The following SEMA6D variants were observed in gnomAD, a reference collection of about 807,000 sequenced individuals.
SEMA6D encodes semaphorin 6D, also known as semaphorin-6D.
Under a neutral mutation model 106.6 loss-of-function variants are expected in SEMA6D, and 35 were observed. The ratio of observed to expected loss-of-function variants is 0.33; its 90% CI spans 0.25 to 0.44. SEMA6D has a LOEUF of 0.44. Ranked by LOEUF, SEMA6D falls within the 20% of genes least tolerant of loss-of-function variation. The pLI, the probability that SEMA6D is intolerant of heterozygous loss-of-function variation, is 1.00. For missense variants in SEMA6D, 1,185 were observed against 1,345.9 expected, an observed-to-expected ratio of 0.88 and a Z score of 1.87; for synonymous variants, 499 against 487.7, an observed-to-expected ratio of 1.02 and a Z score of -0.31.
intron 4 of SEMA6D, among the ~76,000 whole-genome samples, chr15:47,708,114 T>A (rs1446595182): frequency 1.3e-5 from 2 of 152,134 alleles, no homozygotes; most frequent in Non-Finnish European, 2.9e-5. Context: ...AAGCTGTATA[T>A]CCTCCGGCTT....
chr15:47,389,953 T>G (rs1466869933), intron 1 of SEMA6D, among the ~76,000 whole-genome samples: 1 of 152,230 alleles, frequency 6.6e-6, no homozygotes, highest in Admixed American at 6.5e-5. Context: ...ACATAATTCA[T>G]TTTCTATCAC....
At chr15:47,506,896 T>C (rs1353177405) in intron 3 of SEMA6D, among the ~76,000 whole-genome samples, 2 of 152,144 alleles carry the variant, frequency 1.3e-5, no homozygotes, top group Non-Finnish European at 2.9e-5. Flanking sequence ...GCTACACTCA[T>C]CCTCTAATCC....
At chr15:47,542,462 G>A (rs930468762) in intron 3 of SEMA6D, among the ~76,000 whole-genome samples, 12 of 152,110 alleles carry the variant, frequency 7.9e-5, no homozygotes, top group African/African-American at 2.9e-4. Flanking sequence ...CTGGCCCTAT[G>A]AAGCTACTTG....
At chr15:47,554,090 A>G (rs1418072390) in intron 3 of SEMA6D, among the ~76,000 whole-genome samples, 1 of 152,208 alleles carries the variant, frequency 6.6e-6, no homozygotes, top group Non-Finnish European at 1.5e-5. Context: ...TGAGCACTCC[A>G]TGGTGAAAAA....
chr15:47,614,468 T>G (rs2076970597), intron 4 of SEMA6D, among the ~76,000 whole-genome samples: 1 of 152,176 alleles, frequency 6.6e-6, no homozygotes, highest in Admixed American at 6.5e-5. Flanking sequence ...TCCCTCTTTC[T>G]CTCCAGCTTC....
At chr15:47,435,091 G>A (rs1541729) in intron 2 of SEMA6D, among the ~76,000 whole-genome samples, 38,906 of 152,032 alleles carry the variant, frequency 0.26, 5,698 homozygotes, top group Middle Eastern at 0.45. Flanking sequence ...CATTGGATTC[G>A]AATTTCAGTT....
intron 3 of SEMA6D, among the ~76,000 whole-genome samples, chr15:47,524,776 G>A (rs1381729479): frequency 6.6e-6 from 1 of 152,180 alleles, no homozygotes; most frequent in East Asian, 1.9e-4. Flanking sequence ...TCAGGCTACT[G>A]AAGTACATTG....
chr15:47,613,619 A>C (rs2076952316), intron 4 of SEMA6D, among the ~76,000 whole-genome samples: 1 of 152,122 alleles, frequency 6.6e-6, no homozygotes, highest in Non-Finnish European at 1.5e-5. Context: ...GTATATCTGG[A>C]CCATTCAGAG....
At chr15:47,545,589 C>T (rs2045494895) in intron 3 of SEMA6D, among the ~76,000 whole-genome samples, 1 of 152,098 alleles carries the variant, frequency 6.6e-6, no homozygotes, top group Admixed American at 6.6e-5. Context: ...TCTTCTTTTA[C>T]TTTGCATGTC....
At chr15:47,419,053 A>G (rs969781776) in intron 2 of SEMA6D, among the ~76,000 whole-genome samples, 2 of 152,268 alleles carry the variant, frequency 1.3e-5, no homozygotes, top group South Asian at 2.1e-4. Flanking sequence ...GCTGGAAAGG[A>G]GAGAAGAGGG....
At chr15:47,754,391 A>G (rs946045735) in intron 1 of SEMA6D, among the ~76,000 whole-genome samples, 2 of 152,138 alleles carry the variant, frequency 1.3e-5, no homozygotes, top group African/African-American at 4.8e-5. Context: ...TTTTGCCTTC[A>G]TTTTTGAAGA....
chr15:47,224,863 T>C (rs1333319207), intron 1 of SEMA6D, among the ~76,000 whole-genome samples: 3 of 151,918 alleles, frequency 2.0e-5, no homozygotes, highest in African/African-American at 7.2e-5. Context: ...CTTCCCTAAC[T>C]TCTACTTGGT....
intron 1 of SEMA6D, among the ~76,000 whole-genome samples, chr15:47,313,959 A>C (rs75868061): frequency 0.058 from 8,833 of 152,230 alleles, 726 homozygotes; most frequent in African/African-American, 0.18. Context: ...AAATAGCAAG[A>C]AATGTGATTG....
At chr15:47,600,856 T>C (rs945032443) in intron 3 of SEMA6D, 1 of 152,174 alleles carries the variant, frequency 6.6e-6, no homozygotes, top group Non-Finnish European at 1.5e-5. Context: ...TTTTCTTTTC[T>C]TTTTTCAGGT....
chr15:47,332,224 T>C (rs1182745707), intron 1 of SEMA6D, among the ~76,000 whole-genome samples: 1 of 152,184 alleles, frequency 6.6e-6, no homozygotes, highest in African/African-American at 2.4e-5. Flanking sequence ...TGCCCGCTTG[T>C]TTACATAATA....
rs567728008 is a variant in SEMA6D at position 47,726,019 on chromosome 15, G to A, written c.-55+8327G>A. On this transcript the variant is annotated intron_variant, in intron 1 of 18. Transcript: ENST00000536845. ...AAATTCAATGTTGGGAACTCTTCAG[G>A]AATATTCGAGTGACATAAAGCAGAG... Among the ~76,000 whole-genome samples, 3 of 152,320 alleles carry A rather than the reference G, an allele frequency of 2.0e-5. No individual in the cohort carries two copies. The East Asian group carries it at 5.8e-4, about 29-fold the overall frequency.
intron 1 of SEMA6D, among the ~76,000 whole-genome samples, chr15:47,351,397 T>C (rs912607043): frequency 2.0e-5 from 3 of 152,198 alleles, no homozygotes; most frequent in African/African-American, 7.2e-5. Flanking sequence ...TTTGTTTCTA[T>C]TTTAACAATA....
chr15:47,629,162 A>G (rs914901070), intron 4 of SEMA6D, among the ~76,000 whole-genome samples: 15 of 152,086 alleles, frequency 9.9e-5, no homozygotes, highest in African/African-American at 3.6e-4. Context: ...AAATTGAATA[A>G]ATCGATTCCT....
chr15:47,671,267 G>A (rs1201520728), intron 4 of SEMA6D, among the ~76,000 whole-genome samples: 1 of 152,142 alleles, frequency 6.6e-6, no homozygotes, highest in Non-Finnish European at 1.5e-5. Flanking sequence ...GTTTCCAAGA[G>A]AGCTGTCAAA....
Sources: gnomAD v4.1 joint callset for allele counts (sites outside exome capture counted in the v4.1 genomes callset) on GRCh38, gnomAD v4.1.1 for gene constraint, MANE v1.5 for transcripts, NCBI Gene and HGNC (gene_info 2026-07-23, HGNC 2026-07-21) for gene names.